CUL1: variants seen among roughly 807,000 people sequenced by gnomAD.
CUL1 encodes the protein cullin 1.
CUL1 carries 24 observed loss-of-function variants against 118.0 expected under a neutral mutation model. The observed-to-expected ratio is 0.20, with a 90% confidence interval of 0.15 to 0.29. The LOEUF (loss-of-function observed/expected upper bound fraction) is 0.29. Ranked by LOEUF, CUL1 falls within the 10% of genes least tolerant of loss-of-function variation. The pLI is 1.00. For synonymous variants in CUL1, 332 were observed against 340.4 expected (o/e 0.98, Z 0.27); for missense variants, 361 against 933.8 (o/e 0.39, Z 7.99).
intron 1 of CUL1, among the ~76,000 whole-genome samples, chr7:148,720,455 G>A (rs371898765): frequency 6.6e-6 from 1 of 152,174 alleles, no homozygotes; most frequent in South Asian, 2.1e-4. Context: ...AATGCAGAAG[G>A]GGGAGTGAGT....
chr7:148,746,025 T>A (rs1799300519), intron 2 of CUL1, among the ~76,000 whole-genome samples: 1 of 152,198 alleles, frequency 6.6e-6, no homozygotes, highest in Non-Finnish European at 1.5e-5. Context: ...TCAAAACAGC[T>A]TTTAAGAAGC....
chr7:148,770,749 A>G (rs1005213905), intron 9 of CUL1, among the ~76,000 whole-genome samples: 4 of 152,242 alleles, frequency 2.6e-5, no homozygotes, highest in Non-Finnish European at 2.9e-5. Context: ...GGCACACAGT[A>G]GGTGCTTGAT....
chr7:148,760,299 G>A, intron 6 of CUL1, 34 bp from the exon 7 acceptor site: 1 of 1,558,550 alleles, frequency 6.4e-7, no homozygotes, highest in Non-Finnish European at 8.7e-7. Context: ...CAAAAAAATA[G>A]GGTAATTGAA....
At chr7:148,736,483 T>G (rs1798947646) in intron 2 of CUL1, among the ~76,000 whole-genome samples, 1 of 152,138 alleles carries the variant, frequency 6.6e-6, no homozygotes, top group Non-Finnish European at 1.5e-5. Context: ...TTTTATTTTT[T>G]GCAGACATGG....
intron 1 of CUL1, among the ~76,000 whole-genome samples, chr7:148,707,090 T>C (rs1459041542): frequency 6.6e-6 from 1 of 152,184 alleles, no homozygotes; most frequent in African/African-American, 2.4e-5. Flanking sequence ...AATAAGAAAT[T>C]ACCTTTGAAG....
chr7:148,772,429 A>AC lies in CUL1; in HGVS notation c.1083+4680_1083+4681insC, dbSNP rs72406355. Among the ~76,000 whole-genome samples the AC allele has an allele frequency of 7.2e-3, 1,098 of 151,468 alleles. 9 individuals carry two copies. Among genetic ancestry groups the AC allele is most frequent in the African/African-American group, 0.018 (752 of 41,176 alleles). ...GACTCCGTCTCAAAAAAAAAACAAAAAAAAAAACCCACACATTCAGTTTAT... is the reference window on the plus strand; with the variant it reads ...GACTCCGTCTCAAAAAAAAAACAAAACAAAAAAACCCACACATTCAGTTTAT... On this transcript the variant is annotated intron_variant, in intron 9 of 21. Coordinates refer to ENST00000325222, the MANE Select transcript of CUL1 (RefSeq NM_003592.3).
intron 1 of CUL1, among the ~76,000 whole-genome samples, chr7:148,703,580 T>C (rs899592941): frequency 6.6e-6 from 1 of 152,108 alleles, no homozygotes; most frequent in African/African-American, 2.4e-5. Context: ...TCGCCCCCAC[T>C]GGAGTGCAGT....
intron 8 of CUL1, 100 bp from the exon 9 acceptor site, chr7:148,767,519 C>A (rs1378483785): frequency 7.6e-6 from 8 of 1,058,998 alleles, no homozygotes; most frequent in Non-Finnish European, 1.1e-5. Flanking sequence ...ACATGGTTAT[C>A]TTTTGCAGAG....
intron 2 of CUL1, among the ~76,000 whole-genome samples, chr7:148,752,149 A>G (rs1347861644): frequency 3.3e-5 from 5 of 152,218 alleles, no homozygotes; most frequent in African/African-American, 9.6e-5. Flanking sequence ...TGTGAAATAT[A>G]TTTGATACAC....
At chr7:148,786,852 T>A in intron 12 of CUL1, 137 bp from the exon 13 acceptor site, 2 of 1,154,908 alleles carry the variant, frequency 1.7e-6, no homozygotes, top group Non-Finnish European at 2.5e-6. Context: ...GATTTTGCCA[T>A]CATAAACGTT....
intron 17 of CUL1, among the ~76,000 whole-genome samples, 166 bp from the exon 18 acceptor site, chr7:148,797,646 G>A (rs1395447785): frequency 6.6e-6 from 1 of 150,844 alleles, no homozygotes; most frequent in Non-Finnish European, 1.5e-5. Flanking sequence ...TAAATTTAGT[G>A]AACTTCTAAG....
chr7:148,724,048 A>G (rs1241814272), intron 1 of CUL1, among the ~76,000 whole-genome samples: 1 of 152,214 alleles, frequency 6.6e-6, no homozygotes, highest in African/African-American at 2.4e-5. Flanking sequence ...TTGATGTTGC[A>G]ATTAGTGTTT....
At chr7:148,715,192 G>A (rs928217274) in intron 1 of CUL1, among the ~76,000 whole-genome samples, 3 of 152,126 alleles carry the variant, frequency 2.0e-5, no homozygotes, top group South Asian at 2.1e-4. Flanking sequence ...AAGTCATCAC[G>A]TTCTCTGAGT....
chr7:148,737,572 T>A (rs243506), intron 2 of CUL1, among the ~76,000 whole-genome samples: 56,429 of 129,380 alleles, frequency 0.44, 11,333 homozygotes, highest in East Asian at 0.58. Context: ...ATATATATAT[T>A]TTTATATTTA....
chr7:148,698,571 C>T (rs898312168), upstream of CUL1: 1 of 151,942 alleles, frequency 6.6e-6, no homozygotes, highest in African/African-American at 2.4e-5. Context: ...GCGGGGGCCT[C>T]GGCCGCGGAA....
At chr7:148,767,975 T>G (rs1198281877) in intron 9 of CUL1, among the ~76,000 whole-genome samples, 4 of 152,366 alleles carry the variant, frequency 2.6e-5, no homozygotes, top group Middle Eastern at 3.4e-3. Context: ...AATGTTATTT[T>G]TTTTTTCCTT....
At position 148,730,074 on chromosome 7, in the gene CUL1, A is replaced by G. The variant is rs773925897; in HGVS notation, c.-49A>G. 2.2e-5 allele frequency: 35 copies of G among 1,578,606 alleles called. No individual in the cohort carries two copies. In the South Asian group the frequency reaches 3.7e-4, roughly 17 times the overall value. On this transcript the variant is annotated 5_prime_UTR_variant, in exon 2 of 22. Coordinates refer to ENST00000325222, the MANE Select transcript of CUL1 (RefSeq NM_003592.3). ...TTTCATCTAATGGAGAACTAGCTGT[A>G]CTTTGAATAAGGATTGCTGCACTGG... is the stretch of plus-strand genomic sequence containing the variant.
chr7:148,780,393 T>C (rs911803397), intron 9 of CUL1, among the ~76,000 whole-genome samples: 1 of 152,244 alleles, frequency 6.6e-6, no homozygotes, highest in Non-Finnish European at 1.5e-5. Context: ...TTGAATTTTT[T>C]CCACAATAAA....
chr7:148,699,061 A>T lies in CUL1; in HGVS notation c.-162+32A>T, dbSNP rs71532738. On this transcript the variant is annotated intron_variant, in intron 1 of 21. Transcript: ENST00000325222. ...GTCGGCAGCCGCCGGGGCCGAGAGG[A>T]GGTGGCGGCGGCGGCGGCGGCGCAG... 0.14 allele frequency: 21,615 copies of T among 150,838 alleles called. 1,702 individuals are homozygous for T. The highest frequency in any genetic ancestry group is 0.29 in the East Asian group (1,457 of 5,006). 9.3% of individuals were successfully genotyped at this position (150,838 alleles called of 1,614,324 possible).
Sources: gnomAD v4.1 joint callset for allele counts (sites outside exome capture counted in the v4.1 genomes callset) on GRCh38, gnomAD v4.1.1 for gene constraint, MANE v1.5 for transcripts, NCBI Gene and HGNC (gene_info 2026-07-23, HGNC 2026-07-21) for gene names.